Variants in ITFG1 observed in about 807,000 individuals in gnomAD.
The protein encoded by ITFG1 is T-cell immunomodulatory protein.
Under a neutral mutation model 81.8 loss-of-function variants are expected in ITFG1, and 34 were observed. The ratio of observed to expected loss-of-function variants is 0.42; its 90% CI spans 0.32 to 0.55. The LOEUF is 0.55. ITFG1 is among the 20% of genes least tolerant of loss of function. The probability of loss-of-function intolerance (pLI) is 0.17; values close to 1 mark genes in which losing one functional copy is unlikely to be tolerated. For synonymous variants in ITFG1, 285 were observed against 270.6 expected, an observed-to-expected ratio of 1.05 and a Z score of -0.52; for missense variants, 672 against 755.4, an observed-to-expected ratio of 0.89 and a Z score of 1.29.
At chr16:47,184,351 G>A (rs563317182) in intron 14 of ITFG1, among the ~76,000 whole-genome samples, 1 of 152,188 alleles carries the variant, frequency 6.6e-6, no homozygotes, top group South Asian at 2.1e-4. Context: ...TGGAAATGAA[G>A]GAAAAAATGT....
intron 7 of ITFG1, among the ~76,000 whole-genome samples, chr16:47,375,493 T>C (rs1968311870): frequency 6.6e-6 from 1 of 152,190 alleles, no homozygotes; most frequent in Non-Finnish European, 1.5e-5. Context: ...CTTATTTCTT[T>C]ATATAAGCCT....
chr16:47,214,273 A>G (rs542966300), intron 14 of ITFG1, among the ~76,000 whole-genome samples: 3 of 152,350 alleles, frequency 2.0e-5, no homozygotes, highest in African/African-American at 7.2e-5. Flanking sequence ...GGGTACACAG[A>G]AGGCAAAGGT....
At chr16:47,184,662 C>T (rs1269361653) in intron 14 of ITFG1, among the ~76,000 whole-genome samples, 17 of 152,028 alleles carry the variant, frequency 1.1e-4, no homozygotes, top group African/African-American at 3.4e-4. Context: ...TGGTACCAGC[C>T]GCTGCAAAAT....
At chr16:47,384,826 C>A (rs1968440006) in intron 6 of ITFG1, among the ~76,000 whole-genome samples, 1 of 152,106 alleles carries the variant, frequency 6.6e-6, no homozygotes, top group Non-Finnish European at 1.5e-5. Context: ...ACCTGTAATC[C>A]CAGCACTTTG....
chr16:47,372,237 G>A (rs1381914984), intron 7 of ITFG1, among the ~76,000 whole-genome samples: 2 of 151,402 alleles, frequency 1.3e-5, no homozygotes, highest in African/African-American at 2.4e-5. Context: ...TCTGTTTTTT[G>A]CTTTTTTAAA....
intron 8 of ITFG1, among the ~76,000 whole-genome samples, chr16:47,324,933 A>G (rs191774301): frequency 0.015 from 2,276 of 152,284 alleles, 59 homozygotes; most frequent in African/African-American, 0.052. Context: ...AGCGAGACAG[A>G]AAGTCAAAAG....
At chr16:47,178,946 C>G (rs1965064466) in intron 14 of ITFG1, among the ~76,000 whole-genome samples, 1 of 152,290 alleles carries the variant, frequency 6.6e-6, no homozygotes, top group East Asian at 1.9e-4. Flanking sequence ...CAAAAGAAGA[C>G]ATTTATACAG....
intron 8 of ITFG1, among the ~76,000 whole-genome samples, chr16:47,334,348 A>C (rs907896635): frequency 3.9e-5 from 6 of 151,998 alleles, no homozygotes; most frequent in Non-Finnish European, 7.4e-5. Flanking sequence ...GGATTGCTTG[A>C]CCTGGGGAGG....
At chr16:47,441,863 T>G (rs1219692918) in intron 5 of ITFG1, among the ~76,000 whole-genome samples, 1 of 152,152 alleles carries the variant, frequency 6.6e-6, no homozygotes, top group African/African-American at 2.4e-5. Context: ...TAAAGGGAAT[T>G]CAATTAGGAA....
chr16:47,323,089 T>C (rs1312308552), intron 8 of ITFG1, among the ~76,000 whole-genome samples: 3 of 152,168 alleles, frequency 2.0e-5, no homozygotes, highest in East Asian at 3.9e-4. Flanking sequence ...ATTCTTTCAC[T>C]ACTATTATGA....
intron 8 of ITFG1, among the ~76,000 whole-genome samples, chr16:47,314,338 T>C (rs919976815): frequency 6.6e-6 from 1 of 152,158 alleles, no homozygotes; most frequent in East Asian, 1.9e-4. Context: ...TCAACAGTAG[T>C]CCATTATTAT....
chr16:47,204,220 A>G (rs1046855395), intron 14 of ITFG1, among the ~76,000 whole-genome samples: 4 of 152,156 alleles, frequency 2.6e-5, no homozygotes, highest in Admixed American at 6.5e-5. Flanking sequence ...CCCACTTGTT[A>G]TAGCTAAATT....
chr16:47,387,713 G>C (rs950306512), intron 6 of ITFG1, among the ~76,000 whole-genome samples: 4 of 152,136 alleles, frequency 2.6e-5, no homozygotes, highest in African/African-American at 7.2e-5. Context: ...CTTGGCTTTT[G>C]AGCCAAATTT....
At chr16:47,198,394 CAT>C (rs1382612165) in intron 14 of ITFG1, among the ~76,000 whole-genome samples, 2 of 152,168 alleles carry the variant, frequency 1.3e-5, no homozygotes, top group Non-Finnish European at 2.9e-5. Flanking sequence ...AGGCATTACT[CAT>C]ATGTTTGTGG....
intron 14 of ITFG1, among the ~76,000 whole-genome samples, chr16:47,206,010 C>T (rs1475490871): frequency 2.6e-5 from 4 of 152,006 alleles, no homozygotes; most frequent in East Asian, 3.9e-4. Context: ...CGACTACAGG[C>T]GCCCGCCACC....
chr16:47,324,589 C>G (rs1334223231), intron 8 of ITFG1, among the ~76,000 whole-genome samples: 1 of 152,124 alleles, frequency 6.6e-6, no homozygotes, highest in African/African-American at 2.4e-5. Context: ...ATTCAGGAAA[C>G]TCATCTCATG....
At chr16:47,392,667 C>G (rs1277599059) in intron 6 of ITFG1, among the ~76,000 whole-genome samples, 1 of 152,050 alleles carries the variant, frequency 6.6e-6, no homozygotes, top group Non-Finnish European at 1.5e-5. Context: ...GTAATATCAC[C>G]ATTTATAGTA....
chr16:47,184,236 T>C (rs1965177298), intron 14 of ITFG1, among the ~76,000 whole-genome samples: 1 of 152,128 alleles, frequency 6.6e-6, no homozygotes, highest in Non-Finnish European at 1.5e-5. Context: ...TTCCCCAGTC[T>C]AGCAAGGAAG....
intron 5 of ITFG1, among the ~76,000 whole-genome samples, chr16:47,432,292 G>A (rs907285261): frequency 6.6e-6 from 1 of 152,154 alleles, no homozygotes; most frequent in Non-Finnish European, 1.5e-5. Context: ...GGCTATTTAA[G>A]TCCAACTTAA....
Sources: gnomAD v4.1 joint callset for allele counts (sites outside exome capture counted in the v4.1 genomes callset) on GRCh38, gnomAD v4.1.1 for gene constraint, MANE v1.5 for transcripts, NCBI Gene and HGNC (gene_info 2026-07-23, HGNC 2026-07-21) for gene names.